Variants in RBPJ observed in about 807,000 individuals in gnomAD.
RBPJ encodes recombination signal binding protein for immunoglobulin kappa J region.
In RBPJ, 9 loss-of-function variants were observed where a neutral mutation model predicts 67.8. That is an observed-to-expected ratio of 0.13 (90% CI 0.08 to 0.23). RBPJ has a LOEUF of 0.23. Ranked by LOEUF, RBPJ falls within the 10% of genes least tolerant of loss-of-function variation. RBPJ has a pLI of 1.00. For missense variants in RBPJ, 305 were observed against 595.6 expected, an observed-to-expected ratio of 0.51 and a Z score of 5.08; for synonymous variants, 198 against 203.3, an observed-to-expected ratio of 0.97 and a Z score of 0.22.
chr4:26,346,522 A>G (rs879760829), intron 1 of RBPJ, among the ~76,000 whole-genome samples: 2 of 152,114 alleles, frequency 1.3e-5, no homozygotes, highest in Non-Finnish European at 2.9e-5. Context: ...CATGATTGGC[A>G]CAACTGCTGA....
At chr4:26,281,437 C>A (rs1426588757) in intron 1 of RBPJ, among the ~76,000 whole-genome samples, 1 of 152,116 alleles carries the variant, frequency 6.6e-6, no homozygotes, top group Non-Finnish European at 1.5e-5. Context: ...CACCACCACA[C>A]CCAGCTAATT....
At chr4:26,236,782 T>C (rs1216033900) in intron 1 of RBPJ, among the ~76,000 whole-genome samples, 1 of 152,214 alleles carries the variant, frequency 6.6e-6, no homozygotes, top group Non-Finnish European at 1.5e-5. Context: ...AGTATCTCTA[T>C]TATCAGGAAG....
Position 26,191,198 on chromosome 4 carries a change from T to C in RBPJ, c.-167+27584T>C, listed in dbSNP as rs1343116768. On this transcript the variant is annotated intron_variant, in intron 1 of 4. Coordinates refer to the RBPJ transcript ENST00000512351. ...AAAAAAAAATATATATATATATATA[T>C]ATATATATATATAGAGAGAGAGAGA... 5.2e-3 allele frequency among the ~76,000 whole-genome samples: 150 copies of C among 28,962 alleles called. 4 individuals carry two copies. The highest frequency in any genetic ancestry group is 0.016 in the African/African-American group (144 of 8,892). 19.0% of individuals were successfully genotyped at this position (28,962 alleles called of 152,430 possible). A position where few individuals can be genotyped will look rare whatever the true frequency, so the allele number is the denominator to read the frequency against.
the RBPJ span, among the ~76,000 whole-genome samples, chr4:26,148,055 C>T: frequency 6.6e-6 from 1 of 152,164 alleles, no homozygotes; most frequent in South Asian, 2.1e-4. Context: ...TGTATACTAA[C>T]ATTTACGAAC....
the RBPJ span, among the ~76,000 whole-genome samples, chr4:26,115,035 G>T: frequency 6.6e-6 from 1 of 152,084 alleles, no homozygotes; most frequent in South Asian, 2.1e-4. Context: ...CACATCTACT[G>T]CTACTGCACG....
chr4:26,346,624 G>A (rs1205864885), intron 1 of RBPJ, among the ~76,000 whole-genome samples: 2 of 152,188 alleles, frequency 1.3e-5, no homozygotes, highest in Non-Finnish European at 2.9e-5. Context: ...AAACCTTACT[G>A]AGGACTTCCA....
In RBPJ at chr4:26,336,186, G is replaced by A. The variant is rs575878878; in HGVS notation, c.20+15138G>A. On this transcript the variant is annotated intron_variant, in intron 1 of 10. Coordinates refer to ENST00000355476, the MANE Select transcript of RBPJ (RefSeq NM_015874.6). ...CGATGCAAAGTGAGTAAGACAGTTC[G>A]CTAGATCCCAGCTCCCAGAGATATG... is the stretch of plus-strand genomic sequence containing the variant. 3.9e-5 allele frequency among the ~76,000 whole-genome samples: 6 copies of A among 152,252 alleles called. No homozygotes were observed. In the East Asian group the frequency reaches 5.8e-4, roughly 15 times the overall value.
At chr4:26,310,856 G>C (rs371867233) in intron 1 of RBPJ, among the ~76,000 whole-genome samples, 2 of 152,032 alleles carry the variant, frequency 1.3e-5, no homozygotes, top group Admixed American at 6.6e-5. Flanking sequence ...TTTTAGTAGA[G>C]ACAGGGTTTC....
chr4:26,138,945 T>A, the RBPJ span, among the ~76,000 whole-genome samples: 1 of 152,176 alleles, frequency 6.6e-6, no homozygotes, highest in East Asian at 1.9e-4. Context: ...CACCTGAGAT[T>A]GCTCTGCGCT....
At chr4:26,233,752 T>C (rs1007814566) in intron 1 of RBPJ, among the ~76,000 whole-genome samples, 1 of 152,196 alleles carries the variant, frequency 6.6e-6, no homozygotes, top group African/African-American at 2.4e-5. Flanking sequence ...ATATAAAAAC[T>C]GAGAATCCTT....
intron 1 of RBPJ, among the ~76,000 whole-genome samples, chr4:26,282,443 C>T (rs1232721355): frequency 1.3e-5 from 2 of 151,900 alleles, no homozygotes; most frequent in Non-Finnish European, 2.9e-5. Context: ...AGTTGAATGA[C>T]ACATTTCATA....
intron 1 of RBPJ, among the ~76,000 whole-genome samples, chr4:26,310,646 C>T (rs1235278478): frequency 2.0e-5 from 3 of 149,010 alleles, no homozygotes; most frequent in African/African-American, 4.9e-5. Flanking sequence ...AAAATTATGA[C>T]TGTATTTGCC....
intron 1 of RBPJ, among the ~76,000 whole-genome samples, chr4:26,222,636 A>ATATATG (rs1718950994): frequency 7.5e-6 from 1 of 134,062 alleles, no homozygotes; most frequent in African/African-American, 3.3e-5. Flanking sequence ...ACTCTGAAAT[A>ATATATG]TATATATATA....
intron 1 of RBPJ, among the ~76,000 whole-genome samples, chr4:26,270,357 GAA>G (rs1196601247): frequency 1.8e-4 from 2 of 11,176 alleles, no homozygotes; most frequent in South Asian, 3.1e-3. Context: ...GAGAGCAAGA[GAA>G]AGAAAGAAAG....
chr4:26,127,498 T>C, the RBPJ span, among the ~76,000 whole-genome samples: 1 of 152,170 alleles, frequency 6.6e-6, no homozygotes, highest in Non-Finnish European at 1.5e-5. Flanking sequence ...AATCTTTTGG[T>C]AGGCATCAGG....
intron 1 of RBPJ, among the ~76,000 whole-genome samples, chr4:26,210,724 T>TTTCTTTCTTTCC (rs1718370997): frequency 1.2e-5 from 1 of 80,272 alleles, no homozygotes; most frequent in African/African-American, 4.7e-5. Context: ...TCCTTCTTTC[T>TTTCTTTCTTTCC]TTCCTTCTTT....
chr4:26,255,245 A>G (rs557318788), intron 1 of RBPJ, among the ~76,000 whole-genome samples: 3,348 of 134,012 alleles, frequency 0.025, 129 homozygotes, highest in African/African-American at 0.096. Context: ...TCTACTAAAA[A>G]TACAAAAAAT....
At chr4:26,197,582 T>C (rs1162098884) in intron 1 of RBPJ, among the ~76,000 whole-genome samples, 2 of 152,208 alleles carry the variant, frequency 1.3e-5, no homozygotes, top group Non-Finnish European at 2.9e-5. Flanking sequence ...ACAGATTTCC[T>C]GGGCCTGCAG....
At chr4:26,267,562 A>G (rs1480068170) in intron 1 of RBPJ, among the ~76,000 whole-genome samples, 2 of 152,178 alleles carry the variant, frequency 1.3e-5, no homozygotes, top group African/African-American at 4.8e-5. Context: ...TTGTGTGTAT[A>G]TATGTGTATA....
Sources: gnomAD v4.1 joint callset for allele counts (sites outside exome capture counted in the v4.1 genomes callset) on GRCh38, gnomAD v4.1.1 for gene constraint, MANE v1.5 for transcripts, NCBI Gene and HGNC (gene_info 2026-07-23, HGNC 2026-07-21) for gene names.